Variants in CYB5R3 observed in about 807,000 individuals in gnomAD.
The protein encoded by CYB5R3 is NADH-cytochrome b5 reductase 3.
Under a neutral mutation model 36.5 loss-of-function variants are expected in CYB5R3, and 28 were observed. The observed-to-expected ratio is 0.77, with a 90% CI of 0.57 to 1.05. The LOEUF (loss-of-function observed/expected upper bound fraction) is 1.05. CYB5R3 is among the 50% of genes least tolerant of loss of function. The pLI is 0.00. For synonymous variants in CYB5R3, 181 were observed against 159.8 expected, an observed-to-expected ratio of 1.13 and a Z score of -1.00; for missense variants, 474 against 408.9, an observed-to-expected ratio of 1.16 and a Z score of -1.37.
In CYB5R3 at chr22:42,619,919, T is replaced by C. The variant is rs1225457302; in HGVS notation, c.760A>G (p.Asn254Asp). The change falls in exon 9 of 9, where the codon AAT (asparagine) becomes GAT (aspartate). Residue 254 changes from asparagine to aspartate, a missense_variant. By Grantham distance (23) the Asn-to-Asp change is conservative. Transcript: ENST00000352397. ...AGGTGGTCCCGGATCATCTCCTCATTCACGAAGCCCTGGCCGTAGTCCCAG... is the reference window on the plus strand; with the variant it reads ...AGGTGGTCCCGGATCATCTCCTCATCCACGAAGCCCTGGCCGTAGTCCCAG... Reference protein sequence around the residue: ...EAWDYGQGFVNEEMIRDHLPP... With the variant: ...EAWDYGQGFVDEEMIRDHLPP... 6.2e-7 allele frequency: 1 copy of C among 1,606,278 alleles called. No individual in the cohort carries two copies.
Position 42,627,693 on chromosome 22 carries a change from G to T in CYB5R3, c.464-5C>A. The T allele has an allele frequency of 6.2e-7, 1 of 1,605,696 alleles. No individual in the cohort carries two copies. The highest frequency in any genetic ancestry group is 8.5e-7 in the Non-Finnish European group (1 of 1,172,348). On this transcript the variant is annotated splice_region_variant and splice_polypyrimidine_tract_variant and intron_variant, in intron 5 of 8. Transcript: ENST00000352397. ...CAGGTCGGATGGCGAACTTCCCTGG[G>T]GAGAGAGAAGGGGTGAGGCCCGGCC...
In CYB5R3 at chr22:42,631,173, C is replaced by CACTCCT; in HGVS notation, c.227-191_227-186dup. On this transcript the variant is annotated intron_variant, in intron 3 of 8. Coordinates refer to ENST00000352397, the MANE Select transcript of CYB5R3 (RefSeq NM_000398.7). ...TCCCAGCTTCCTGCCTCCATGCCTT[C>CACTCCT]ACTCCTGCTGGTGCCACTGCCAGGG... is the stretch of plus-strand genomic sequence containing the variant. 1.9e-5 allele frequency: 14 copies of CACTCCT among 752,996 alleles called. No individual in the cohort carries two copies. In the South Asian group the frequency reaches 2.3e-4, roughly 12 times the overall value. 46.6% of individuals were successfully genotyped at this position (752,996 alleles called of 1,614,324 possible). A position where few individuals can be genotyped will look rare whatever the true frequency, so the allele number is the denominator to read the frequency against.
In CYB5R3 at chr22:42,618,390, A is replaced by T. The variant is rs1014484670; in HGVS notation, c.*1383T>A. The T allele has an allele frequency of 2.7e-5, 4 of 150,820 alleles. No individual in the cohort carries two copies. Among genetic ancestry groups the T allele is most frequent in the Admixed American group, 2.6e-4 (4 of 15,172 alleles). 9.3% of individuals were successfully genotyped at this position (150,820 alleles called of 1,614,324 possible). On this transcript the variant is annotated 3_prime_UTR_variant, in exon 9 of 9. Transcript: ENST00000352397. Reference sequence around the variant, plus strand: ...GTCTCTACTAAAAATACAAAAAATTAGCCGGGCGTAGTGGCGGGCGCCTGT... The same window carrying T: ...GTCTCTACTAAAAATACAAAAAATTTGCCGGGCGTAGTGGCGGGCGCCTGT...
intron 1 of CYB5R3, chr22:42,639,034 C>CAA (rs35810100): frequency 4.9e-3 from 1,480 of 299,168 alleles, no homozygotes; most frequent in Middle Eastern, 0.013. Context: ...AACTCCATCT[C>CAA]AAAAAAAAAA....
intron 1 of CYB5R3, 56 bp downstream of exon 1, chr22:42,649,239 G>A (rs1929658802): frequency 1.6e-5 from 8 of 498,500 alleles, no homozygotes; most frequent in South Asian, 5.5e-5. Flanking sequence ...CCCCCTCGCC[G>A]CCGGGTCCCA....
intron 7 of CYB5R3, 48 bp downstream of exon 7, chr22:42,627,256 C>T: frequency 2.0e-6 from 3 of 1,532,846 alleles, no homozygotes; most frequent in Non-Finnish European, 1.8e-6. Context: ...GCCCGAAGTC[C>T]CCTCTCAGGG....
intron 1 of CYB5R3, among the ~76,000 whole-genome samples, chr22:42,641,288 G>A (rs755432003): frequency 1.3e-5 from 2 of 152,012 alleles, no homozygotes; most frequent in African/African-American, 2.4e-5. Context: ...AAGTTTTGGG[G>A]GAACCAGAAG....
intron 1 of CYB5R3, chr22:42,644,492 C>T: frequency 8.5e-7 from 1 of 1,177,878 alleles, no homozygotes; most frequent in Non-Finnish European, 1.2e-6. Flanking sequence ...TGCATCCAAC[C>T]AGCAAACTCC....
At chr22:42,620,601 AGCT>A (rs1291209040) in intron 8 of CYB5R3, among the ~76,000 whole-genome samples, 1 of 152,132 alleles carries the variant, frequency 6.6e-6, no homozygotes, top group Non-Finnish European at 1.5e-5. Context: ...CCAAGAGAAA[AGCT>A]GCTGAAGCCT....
At chr22:42,627,807 G>T (rs2146876821) in intron 5 of CYB5R3, 119 bp from the exon 6 acceptor site, 1 of 816,978 alleles carries the variant, frequency 1.2e-6, no homozygotes, top group Non-Finnish European at 2.1e-6. Context: ...AGAGGCAGCT[G>T]CCATTCTAAC....
At chr22:42,627,915 A>G (rs1402959437) in intron 5 of CYB5R3, among the ~76,000 whole-genome samples, 1 of 152,140 alleles carries the variant, frequency 6.6e-6, no homozygotes, top group Non-Finnish European at 1.5e-5. Flanking sequence ...TGAGAAAGCC[A>G]AATAGAGGCT....
At chr22:42,629,886 C>T (rs1928518654) in intron 4 of CYB5R3, among the ~76,000 whole-genome samples, 1 of 152,182 alleles carries the variant, frequency 6.6e-6, no homozygotes, top group African/African-American at 2.4e-5. Flanking sequence ...CAACCTCTGC[C>T]TCCCAGCTTC....
At chr22:42,620,031 T>C in intron 8 of CYB5R3, 86 bp from the exon 9 acceptor site, 1 of 1,292,560 alleles carries the variant, frequency 7.7e-7, no homozygotes, top group South Asian at 1.3e-5. Context: ...GTGAATTCCT[T>C]AAATGCTGAA....
chr22:42,642,219 C>T (rs775458832), intron 1 of CYB5R3, among the ~76,000 whole-genome samples: 8 of 151,674 alleles, frequency 5.3e-5, no homozygotes, highest in African/African-American at 1.9e-4. Flanking sequence ...CCAAGCAATC[C>T]TCCCAGCCCA....
intron 8 of CYB5R3, among the ~76,000 whole-genome samples, chr22:42,620,424 C>A (rs917941267): frequency 9.9e-5 from 15 of 152,086 alleles, no homozygotes; most frequent in African/African-American, 3.6e-4. Flanking sequence ...TCTCTAACTG[C>A]CCCCACCTCC....
chr22:42,640,041 C>T (rs780233162), intron 1 of CYB5R3: 1 of 1,613,670 alleles, frequency 6.2e-7, no homozygotes, highest in Non-Finnish European at 8.5e-7. Context: ...CAGTGGCCAC[C>T]AAACCGTTCA....
chr22:42,640,300 C>G (rs1929181465), intron 1 of CYB5R3: 1 of 1,532,326 alleles, frequency 6.5e-7, no homozygotes, highest in Non-Finnish European at 8.8e-7. Flanking sequence ...AGTCCATCAT[C>G]CCGAATGGCC....
chr22:42,647,774 G>T (rs975985283), intron 1 of CYB5R3, among the ~76,000 whole-genome samples: 1 of 152,004 alleles, frequency 6.6e-6, no homozygotes, highest in Non-Finnish European at 1.5e-5. Flanking sequence ...AGGACACTGA[G>T]GTAGAAGGAT....
At chr22:42,647,091 C>T (rs1366110478) in intron 1 of CYB5R3, 2 of 525,672 alleles carry the variant, frequency 3.8e-6, no homozygotes, top group African/African-American at 2.1e-5. Context: ...GAGCACCAGG[C>T]CCCCAGCCAG....
Sources: allele counts gnomAD v4.1 joint callset (sites outside exome capture counted in the v4.1 genomes callset), GRCh38; gene constraint gnomAD v4.1.1; transcripts MANE v1.5; gene names NCBI Gene and HGNC (gene_info 2026-07-23, HGNC 2026-07-21).